The following FER1L5 variants were observed in gnomAD, a reference collection of about 807,000 sequenced individuals.
FER1L5 encodes the protein fer-1 like family member 5.
FER1L5 carries 187 observed loss-of-function variants against 279.9 expected under a neutral mutation model. The ratio of observed to expected loss-of-function variants is 0.67; its 90% CI spans 0.59 to 0.75. The LOEUF is 0.75. Ranked by LOEUF, FER1L5 falls within the 30% of genes least tolerant of loss-of-function variation. The pLI, the probability that FER1L5 is intolerant of heterozygous loss-of-function variation, is 0.00. For synonymous variants in FER1L5, 921 were observed against 989.7 expected (o/e 0.93, Z 1.30); for missense variants, 2,091 against 2,594.4 (o/e 0.81, Z 4.21).
At chr2:96,696,331 T>C (rs1041286600) in intron 37 of FER1L5, among the ~76,000 whole-genome samples, 1 of 152,160 alleles carries the variant, frequency 6.6e-6, no homozygotes, top group African/African-American at 2.4e-5. Flanking sequence ...TTGCTCTTGT[T>C]GCCCAGGCTG....
In FER1L5 at chr2:96,700,617, C is replaced by A. The variant is rs2077556715; in HGVS notation, c.5070+146C>A. 12 of 1,098,016 alleles carry A rather than the reference C, an allele frequency of 1.1e-5. No individual in the cohort carries two copies. The South Asian group carries it at 1.8e-4, about 17-fold the overall frequency. The allele number at this position is 1,098,016 out of a possible 1,614,324, so 68.0% of individuals were successfully genotyped here. ...TGTACATGCACAGAAGACAAGCATG[C>A]TGTGCACATTAATAAGCAAGAAGTT... On this transcript the variant is annotated intron_variant, in intron 45 of 52. Coordinates refer to ENST00000624922, the MANE Select transcript of FER1L5 (RefSeq NM_001293083.2).
At chr2:96,666,434 C>G (rs1288634529) in intron 14 of FER1L5, among the ~76,000 whole-genome samples, 1 of 151,800 alleles carries the variant, frequency 6.6e-6, no homozygotes, top group African/African-American at 2.4e-5. Flanking sequence ...AGCTGCTCAC[C>G]TGGAAAGCCC....
rs776569886 is a variant in FER1L5 at position 96,704,622 on chromosome 2, G to A, written c.6104G>A (p.Trp2035Ter). Residue 2035 changes from tryptophan to a stop codon, truncating the protein, a stop_gained, in exon 53 of 53, where the codon TGG (tryptophan) becomes TAG (stop). Coordinates refer to ENST00000624922, the MANE Select transcript of FER1L5 (RefSeq NM_001293083.2). LOFTEE classifies it low-confidence loss of function (END_TRUNC). Reference sequence around the variant, plus strand: ...CTAAAGCCTACAATAGACCATGAGTGGAAACTCCACCCAGGACCCACAAAT... The same window carrying A: ...CTAAAGCCTACAATAGACCATGAGTAGAAACTCCACCCAGGACCCACAAAT... ...PNLKPTIDHE[W>*]KLHPGPTNHL... 6.2e-6 allele frequency: 10 copies of A among 1,613,792 alleles called. No homozygotes were observed.
Position 96,687,941 on chromosome 2 carries a change from C to G in FER1L5, c.2355C>G (p.Ala785=). 2 of 1,550,912 alleles carry G rather than the reference C, an allele frequency of 1.3e-6. No homozygotes were observed. Among genetic ancestry groups the G allele is most frequent in the Non-Finnish European group, 1.7e-6 (2 of 1,146,948 alleles). The change falls in exon 24 of 53, where the codon GCC becomes GCG. Residue 785 remains alanine, a synonymous_variant. Coordinates refer to ENST00000624922, the MANE Select transcript of FER1L5 (RefSeq NM_001293083.2). ...LLRQGDTAVY[A]EMYENQAKYK... ...GCCAGGGTGACACAGCGGTGTACGCCGAGATGGTGAGTGGTGAGCGGCAGC... is the reference window on the plus strand; with the variant it reads ...GCCAGGGTGACACAGCGGTGTACGCGGAGATGGTGAGTGGTGAGCGGCAGC...
intron 9 of FER1L5, among the ~76,000 whole-genome samples, chr2:96,659,347 TTCCTTCC>T (rs879274864): frequency 1.2e-5 from 1 of 85,274 alleles, no homozygotes; most frequent in Non-Finnish European, 2.3e-5. Flanking sequence ...CCTTCCTTCC[TTCCTTCC>T]TTCCTTCCTT....
rs1428082540 is a variant in FER1L5 at position 96,691,145 on chromosome 2, C to T, written c.2744-45C>T. The stretch of plus-strand genomic sequence containing the variant: ...CCCGGGTTTGTCCAGGCCTCCCAAC[C>T]TGCGGGCACCTGAGGACTCAGAGGC... On this transcript the variant is annotated intron_variant, in intron 27 of 52. Transcript: ENST00000624922. This position sits in a 1 kb window ranked among gnomAD's most constrained non-coding sequence, Gnocchi z 6.0. 2.0e-6 allele frequency: 3 copies of T among 1,510,164 alleles called. No individual in the cohort carries two copies. The highest frequency in any genetic ancestry group is 2.0e-4 in the Middle Eastern group (1 of 5,118). 93.5% of individuals were successfully genotyped at this position (1,510,164 alleles called of 1,614,324 possible).
intron 9 of FER1L5, among the ~76,000 whole-genome samples, chr2:96,659,423 T>TCTCTCTC (rs2075820984): frequency 9.6e-5 from 1 of 10,436 alleles, no homozygotes; most frequent in Non-Finnish European, 1.6e-4. Context: ...CTTTCTTTCT[T>TCTCTCTC]TCTTTCTTTC....
At chr2:96,658,683 A>T (rs541047130) in intron 9 of FER1L5, among the ~76,000 whole-genome samples, 1 of 152,062 alleles carries the variant, frequency 6.6e-6, no homozygotes, top group Non-Finnish European at 1.5e-5. Context: ...ACAATACTTG[A>T]TCTAGTCCAT....
chr2:96,675,318 C>A (rs1329650338), intron 19 of FER1L5, among the ~76,000 whole-genome samples: 1 of 152,122 alleles, frequency 6.6e-6, no homozygotes, highest in African/African-American at 2.4e-5. Flanking sequence ...AAACTCAAAG[C>A]AAAAGTGATT....
chr2:96,686,396 C>T, intron 23 of FER1L5, 46 bp downstream of exon 23: 2 of 1,520,552 alleles, frequency 1.3e-6, no homozygotes, highest in South Asian at 1.2e-5. Flanking sequence ...TGAGAAATGC[C>T]CCCAGGGGAG....
chr2:96,689,382 GCCAGAGGGGGCAGGCCCCA>G lies in FER1L5; in HGVS notation c.2525+16_2525+34del. 6.5e-7 allele frequency: 1 copy of G among 1,548,796 alleles called. No individual in the cohort carries two copies. Among genetic ancestry groups the G allele is most frequent in the Non-Finnish European group, 8.7e-7 (1 of 1,146,304 alleles). ...ACAGTGGAACCTCAGAGAAGGTAAGGCCAGAGGGGGCAGGCCCCACCAGAGGGGACACTTCACCTGGGAG... is the reference window on the plus strand; with the variant it reads ...ACAGTGGAACCTCAGAGAAGGTAAGGCCAGAGGGGACACTTCACCTGGGAG... On this transcript the variant is annotated splice_region_variant and intron_variant, in intron 25 of 52. Coordinates refer to ENST00000624922, the MANE Select transcript of FER1L5 (RefSeq NM_001293083.2). This position sits in a 1 kb window ranked among gnomAD's most constrained non-coding sequence, Gnocchi z 4.6.
At chr2:96,659,397 C>CCTTTCT (rs2075804677) in intron 9 of FER1L5, among the ~76,000 whole-genome samples, 1 of 7,052 alleles carries the variant, frequency 1.4e-4, no homozygotes, top group Non-Finnish European at 2.2e-4. Flanking sequence ...TTCTTTCTTT[C>CCTTTCT]TTTCTTTCTT....
At chr2:96,686,986 G>T (rs1203721748) in intron 23 of FER1L5, among the ~76,000 whole-genome samples, 1 of 151,546 alleles carries the variant, frequency 6.6e-6, no homozygotes, top group Non-Finnish European at 1.5e-5. Context: ...AATATTTAAT[G>T]TCTATAAGGT....
chr2:96,673,518 T>A (rs1001683730), intron 19 of FER1L5, among the ~76,000 whole-genome samples: 2 of 151,938 alleles, frequency 1.3e-5, no homozygotes, highest in Non-Finnish European at 2.9e-5. Flanking sequence ...AACCCCATCT[T>A]TTCCCCTACT....
intron 43 of FER1L5, 73 bp from the exon 44 acceptor site, chr2:96,699,859 G>C (rs982925446): frequency 3.1e-5 from 50 of 1,587,602 alleles, no homozygotes; most frequent in Non-Finnish European, 4.2e-5. Flanking sequence ...TCCACCCGTG[G>C]TCAACCTGCA....
intron 9 of FER1L5, among the ~76,000 whole-genome samples, chr2:96,658,129 G>A (rs2075672383): frequency 6.6e-6 from 1 of 151,018 alleles, no homozygotes; most frequent in African/African-American, 2.4e-5. Flanking sequence ...TGATTTTCCT[G>A]CCTCAGACTC....
chr2:96,680,068 C>A (rs2106630342), intron 19 of FER1L5, among the ~76,000 whole-genome samples: 1 of 152,258 alleles, frequency 6.6e-6, no homozygotes. Flanking sequence ...CCGCAGGTGG[C>A]TGCTGCTGCT....
At position 96,660,347 on chromosome 2, in the gene FER1L5, A is replaced by G. The variant is rs1041563027; in HGVS notation, c.754A>G (p.Ile252Val). The G allele has an allele frequency of 2.6e-6, 4 of 1,551,502 alleles. No homozygotes were observed. In the Admixed American group the frequency reaches 7.8e-5, roughly 30 times the overall value. ...CCCACTGTTGTCTTTTCAGACAGAT[A>G]TTGGGTTTATCTACCATTCTCCAGG... ...KAEIGRFQTD[I>V]GFIYHSPGHT... Residue 252 changes from isoleucine to valine, a missense_variant, in exon 10 of 53, where the codon ATT becomes GTT. Transcript: ENST00000624922.
At chr2:96,688,227 T>C (rs1343601892) in intron 24 of FER1L5, among the ~76,000 whole-genome samples, 1 of 152,166 alleles carries the variant, frequency 6.6e-6, no homozygotes, top group Non-Finnish European at 1.5e-5. Flanking sequence ...AGGGGGCGAC[T>C]AAGTGACCTC....
Sources: gnomAD v4.1 joint callset for allele counts (sites outside exome capture counted in the v4.1 genomes callset) on GRCh38, gnomAD v4.1.1 for gene constraint, Gnocchi (gnomAD v3.1) non-coding constraint, MANE v1.5 for transcripts, NCBI Gene and HGNC (gene_info 2026-07-23, HGNC 2026-07-21) for gene names.